Variants in SNX29 observed in about 807,000 individuals in gnomAD.
SNX29 encodes sorting nexin-29.
SNX29 carries 78 observed loss-of-function variants against 102.1 expected under a neutral mutation model. The ratio of observed to expected loss-of-function variants is 0.76; its 90% CI spans 0.64 to 0.92. The LOEUF is 0.92. Among genes scored for constraint, SNX29 ranks in the 40% least tolerant of loss-of-function variants. The pLI is 0.00. For synonymous variants in SNX29, 580 were observed against 414.5 expected (o/e 1.40, Z -4.85); for missense variants, 1,280 against 1,061.7 (o/e 1.21, Z -2.86).
chr16:12,070,755 T>C (rs2051257350), intron 10 of SNX29, among the ~76,000 whole-genome samples: 1 of 152,148 alleles, frequency 6.6e-6, no homozygotes, highest in South Asian at 2.1e-4. Flanking sequence ...ATCGCCACAC[T>C]GACTTCCACA....
chr16:12,003,335 A>C (rs1026960441), intron 3 of SNX29, among the ~76,000 whole-genome samples: 1 of 152,190 alleles, frequency 6.6e-6, no homozygotes, highest in African/African-American at 2.4e-5. Flanking sequence ...TTTCAGGGTA[A>C]TTAATAATTA....
intron 19 of SNX29, among the ~76,000 whole-genome samples, 184 bp downstream of exon 19, chr16:12,478,043 C>T (rs539726291): frequency 4.6e-5 from 7 of 152,296 alleles, no homozygotes; most frequent in South Asian, 2.1e-4. Flanking sequence ...GTCACCATTA[C>T]GTCATGTGTG....
intron 14 of SNX29, among the ~76,000 whole-genome samples, chr16:12,247,718 C>T (rs557265441): frequency 3.4e-4 from 52 of 152,308 alleles, no homozygotes; most frequent in Admixed American, 2.1e-3. Flanking sequence ...CACTTCCCAG[C>T]GGCCTCCAGA....
chr16:12,122,818 T>G (rs142632115), intron 11 of SNX29, among the ~76,000 whole-genome samples: 1 of 152,050 alleles, frequency 6.6e-6, no homozygotes, highest in Non-Finnish European at 1.5e-5. Context: ...ATCTCTGTTA[T>G]TAATAATTTA....
chr16:12,277,020 A>G (rs1243315448), intron 14 of SNX29, among the ~76,000 whole-genome samples: 1 of 152,186 alleles, frequency 6.6e-6, no homozygotes, highest in African/African-American at 2.4e-5. Context: ...TTAGTGCTCC[A>G]CAGCTGGCTG....
chr16:12,083,984 A>G (rs2052036347), intron 11 of SNX29, among the ~76,000 whole-genome samples: 1 of 152,194 alleles, frequency 6.6e-6, no homozygotes, highest in African/African-American at 2.4e-5. Context: ...GGTATCTCTG[A>G]AATTGCAAAG....
At chr16:12,021,338 A>G (rs1043403217) in intron 3 of SNX29, among the ~76,000 whole-genome samples, 17 of 152,080 alleles carry the variant, frequency 1.1e-4, no homozygotes, top group African/African-American at 3.4e-4. Context: ...AGGCAGGACA[A>G]TTGCTTGAAC....
intron 11 of SNX29, chr16:12,081,345 C>T (rs2051863824): frequency 6.6e-6 from 1 of 152,142 alleles, no homozygotes; most frequent in Non-Finnish European, 1.5e-5. Context: ...AGTCCCCGCA[C>T]CTAGCCCTTT....
rs539964841 is a variant in SNX29 at position 12,569,019 on chromosome 16, C to T, written c.*390C>T. ...CTATATAGGAAGGTTCATGCAGAGC[C>T]AGCCTCTCCACTCTTTCCCACGTGG... On this transcript the variant is annotated 3_prime_UTR_variant, in exon 21 of 21. Coordinates refer to ENST00000566228, the MANE Select transcript of SNX29 (RefSeq NM_032167.5). 1.4e-4 allele frequency: 36 copies of T among 251,790 alleles called. No homozygotes were observed. The highest frequency in any genetic ancestry group is 2.4e-4 in the Non-Finnish European group (31 of 131,406). 15.6% of individuals were successfully genotyped at this position (251,790 alleles called of 1,614,324 possible). A position where few individuals can be genotyped will look rare whatever the true frequency, so the allele number is the denominator to read the frequency against.
chr16:12,039,534 A>G (rs993320294), intron 4 of SNX29, among the ~76,000 whole-genome samples: 4 of 151,770 alleles, frequency 2.6e-5, no homozygotes, highest in African/African-American at 9.7e-5. Flanking sequence ...ATTAGAGTGA[A>G]TTTAACTAGC....
chr16:12,218,830 A>C (rs751558810), intron 14 of SNX29, among the ~76,000 whole-genome samples: 1 of 152,058 alleles, frequency 6.6e-6, no homozygotes, highest in Non-Finnish European at 1.5e-5. Flanking sequence ...TCTGGAGTGC[A>C]GTGGCGCGAC....
At chr16:12,330,537 A>C (rs1210182875) in intron 15 of SNX29, among the ~76,000 whole-genome samples, 2 of 152,224 alleles carry the variant, frequency 1.3e-5, no homozygotes, top group African/African-American at 4.8e-5. Context: ...TCCTCCCGAC[A>C]GCTCTGGACG....
intron 7 of SNX29, 42 bp from the exon 8 acceptor site, chr16:12,051,805 C>G (rs144768327): frequency 1.3e-6 from 2 of 1,587,284 alleles, no homozygotes; most frequent in East Asian, 2.2e-5. Flanking sequence ...TTTGTCTTGC[C>G]TCCTTTTTCT....
chr16:12,552,610 A>G (rs573951711), intron 20 of SNX29, among the ~76,000 whole-genome samples: 15 of 152,306 alleles, frequency 9.8e-5, no homozygotes, highest in African/African-American at 3.1e-4. Flanking sequence ...GGGGATGACT[A>G]AAAAAGCAAA....
At chr16:12,438,194 C>G (rs1432060353) in intron 18 of SNX29, among the ~76,000 whole-genome samples, 1 of 152,148 alleles carries the variant, frequency 6.6e-6, no homozygotes, top group Non-Finnish European at 1.5e-5. Context: ...CTACTTGATG[C>G]ATCAGGTGAC....
chr16:12,108,404 T>TG (rs796999665), intron 11 of SNX29, among the ~76,000 whole-genome samples: 4 of 152,218 alleles, frequency 2.6e-5, no homozygotes, highest in African/African-American at 9.6e-5. Context: ...GACTTGACCA[T>TG]GGGAGAACCA....
intron 18 of SNX29, among the ~76,000 whole-genome samples, chr16:12,425,041 G>A (rs994092812): frequency 2.0e-5 from 3 of 152,208 alleles, no homozygotes; most frequent in Non-Finnish European, 4.4e-5. Context: ...AGTATGGCTG[G>A]ATCTCATAAA....
At chr16:12,339,414 C>T (rs2081550884) in intron 15 of SNX29, among the ~76,000 whole-genome samples, 1 of 132,570 alleles carries the variant, frequency 7.5e-6, no homozygotes, top group Non-Finnish European at 1.6e-5. Context: ...TAGTGAGTTT[C>T]TTGTGAGTGG....
intron 14 of SNX29, among the ~76,000 whole-genome samples, chr16:12,268,793 G>A (rs1373441891): frequency 6.6e-6 from 1 of 152,168 alleles, no homozygotes; most frequent in African/African-American, 2.4e-5. Flanking sequence ...AAGCAAAACA[G>A]TAACCTCATC....
Sources: allele counts gnomAD v4.1 joint callset (sites outside exome capture counted in the v4.1 genomes callset), GRCh38; gene constraint gnomAD v4.1.1; transcripts MANE v1.5; gene names NCBI Gene and HGNC (gene_info 2026-07-23, HGNC 2026-07-21).